Variants in NEB observed in about 807,000 individuals in gnomAD.
The protein encoded by NEB is nebulin.
Under a neutral mutation model 952.2 loss-of-function variants are expected in NEB, and 512 were observed. The ratio of observed to expected loss-of-function variants is 0.54; its 90% CI spans 0.50 to 0.58. NEB has a LOEUF of 0.58. Among genes scored for constraint, NEB ranks in the 20% least tolerant of loss-of-function variants. The pLI, the probability that NEB is intolerant of heterozygous loss-of-function variation, is 0.00. For missense variants in NEB, 8,428 were observed against 9,231.1 expected (o/e 0.91, Z 3.56); for synonymous variants, 2,900 against 3,149.8 (o/e 0.92, Z 2.66).
chr2:151,573,594 T>C (rs2096722352), intron 107 of NEB, among the ~76,000 whole-genome samples: 1 of 152,244 alleles, frequency 6.6e-6, no homozygotes, highest in Admixed American at 6.5e-5. Context: ...TGGCTCATTA[T>C]ACCAGAACTT....
rs369456343 is a variant in NEB, at chr2:151,650,833, C to G, written c.6968G>C (p.Arg2323Pro). The G allele has an allele frequency of 7.4e-6, 12 of 1,613,720 alleles. No homozygotes were observed. Among genetic ancestry groups the G allele is most frequent in the Non-Finnish European group, 1.0e-5 (12 of 1,179,694 alleles). ...AAGTTTTGGGTCATCTTGCAGACTC[C>G]GGAATCCAACATGGTGGCCAAGTTG... Reference protein sequence around the residue: ...RKQLGHHVGFRSLQDDPKLVL... With the variant: ...RKQLGHHVGFPSLQDDPKLVL... The change falls in exon 53 of 182, where the codon CGG becomes CCG. Residue 2323 changes from arginine (R) to proline (P), a missense_variant. Physicochemically the swap from Arg to Pro is moderately radical, Grantham distance 103. Transcript: ENST00000397345.
At chr2:151,562,057 C>A in intron 121 of NEB, 53 bp downstream of exon 121, 1 of 1,431,220 alleles carries the variant, frequency 7.0e-7, no homozygotes. Context: ...ACTGACACCA[C>A]CATGGATTCT....
chr2:151,518,752 T>TA (rs1192032309), intron 155 of NEB, among the ~76,000 whole-genome samples: 2 of 152,200 alleles, frequency 1.3e-5, no homozygotes, highest in African/African-American at 4.8e-5. Flanking sequence ...AAATATTTTT[T>TA]AAAAAGAAGC....
At chr2:151,635,507 G>A (rs971554379) in intron 64 of NEB, among the ~76,000 whole-genome samples, 2 of 152,056 alleles carry the variant, frequency 1.3e-5, no homozygotes, top group Non-Finnish European at 2.9e-5. Flanking sequence ...AAGAATTTGG[G>A]ACCAGCCTGG....
At chr2:151,723,762 T>G (rs1349939654) in intron 8 of NEB, among the ~76,000 whole-genome samples, 33 of 148,816 alleles carry the variant, frequency 2.2e-4, no homozygotes, top group Admixed American at 1.7e-3. Context: ...TTTTTTTTTT[T>G]TTTTTTTTTT....
In NEB at chr2:151,680,793, A is replaced by G. The variant is rs780408206; in HGVS notation, c.2979T>C (p.Phe993=). ...TAATTGGAGCATCTTCAATCGAGGT[A>G]AACTTGAGGGTGTCTGGATGTTGGC... ...KYRQHPDTLK[F]TSIEDAPITV... is the part of the protein sequence containing the mutation. The change falls in exon 30 of 182, where the codon TTT becomes TTC. Residue 993 remains phenylalanine (F), a synonymous_variant. Coordinates refer to ENST00000397345, the MANE Select transcript of NEB (RefSeq NM_001164508.2). The G allele has an allele frequency of 3.4e-5, 55 of 1,613,360 alleles. No homozygotes were observed. In the East Asian group the frequency reaches 1.1e-3, roughly 33 times the overall value.
intron 35 of NEB, 40 bp downstream of exon 35, chr2:151,675,247 T>A: frequency 7.3e-7 from 1 of 1,361,156 alleles, no homozygotes. Context: ...AATTTTATTG[T>A]CAGGTCCGAA....
At chr2:151,712,590 G>A (rs1247890027) in intron 10 of NEB, among the ~76,000 whole-genome samples, 1 of 152,142 alleles carries the variant, frequency 6.6e-6, no homozygotes, top group African/African-American at 2.4e-5. Context: ...CCCGAGCACT[G>A]CCAAGTCTGG....
chr2:151,512,884 AAC>A, intron 160 of NEB, 47 bp from the exon 161 acceptor site: 1 of 1,314,400 alleles, frequency 7.6e-7, no homozygotes, highest in Non-Finnish European at 1.1e-6. Flanking sequence ...CAATGTGCAC[AAC>A]AGTTGTTGGC....
chr2:151,723,339 C>G (rs1259711968), intron 9 of NEB, 43 bp downstream of exon 9: 2 of 1,440,378 alleles, frequency 1.4e-6, no homozygotes, highest in Admixed American at 3.9e-5. Context: ...TCAAGTTCCC[C>G]TGACTCTGCA....
rs746898612 is a variant in NEB, at chr2:151,547,784, G to A, written c.20158-46C>T. On this transcript the variant is annotated intron_variant, in intron 131 of 181. Transcript: ENST00000397345. ...TTACAGGCATTTAGTAGGGGACGAC[G>A]AGGGCATCTACTGACTAATCAAGAA... 29 of 1,314,902 alleles carry A rather than the reference G, an allele frequency of 2.2e-5. No individual in the cohort carries two copies. The Middle Eastern group carries it at 7.4e-4, about 33-fold the overall frequency. 81.5% of individuals were successfully genotyped at this position (1,314,902 alleles called of 1,614,324 possible).
chr2:151,535,242 T>C (rs1057172539), intron 142 of NEB, among the ~76,000 whole-genome samples: 2 of 152,234 alleles, frequency 1.3e-5, no homozygotes, highest in Non-Finnish European at 2.9e-5. Context: ...GAAGCATGAA[T>C]CACAACTATT....
In NEB at chr2:151,547,705, C is replaced by A; in HGVS notation, c.20191G>T (p.Asp6731Tyr). 6.2e-7 allele frequency: 1 copy of A among 1,613,552 alleles called. No homozygotes were observed. The stretch of plus-strand genomic sequence containing the variant: ...GTATCGGGAGTTGTATGGATCTTGT[C>A]TTTCAGTTTGTGGTACAATTCCCGA... ...LYRELYHKLK[D>Y]KIHTTPDTPE... The change falls in exon 132 of 182, where the codon GAC becomes TAC. Residue 6731 changes from aspartate (D) to tyrosine (Y), a missense_variant. Asp to Tyr is a radical substitution (Grantham distance 160). Around this residue, in one of 11 missense-constraint regions of NEB, gnomAD observed 3,374 missense variants for 3,651.5 expected, o/e 0.92. Coordinates refer to ENST00000397345, the MANE Select transcript of NEB (RefSeq NM_001164508.2).
intron 74 of NEB, 58 bp from the exon 75 acceptor site, chr2:151,617,526 G>T: frequency 8.7e-7 from 1 of 1,144,446 alleles, no homozygotes; most frequent in Non-Finnish European, 1.2e-6. Context: ...GGTGTTCACA[G>T]ATATTATTGT....
intron 41 of NEB, 102 bp from the exon 42 acceptor site, chr2:151,665,641 A>AG: frequency 2.0e-6 from 2 of 1,014,720 alleles, no homozygotes; most frequent in South Asian, 2.0e-5. Context: ...AGAAGCTGGG[A>AG]GGGGGAGAAT....
chr2:151,507,726 C>A, intron 162 of NEB: 1 of 357,936 alleles, frequency 2.8e-6, no homozygotes, highest in South Asian at 6.8e-5. Flanking sequence ...TCTTTTGTTA[C>A]AGGGGTTTTC....
At chr2:151,650,489 C>T (rs2099018904) in intron 53 of NEB, 85 bp downstream of exon 53, 5 of 1,486,596 alleles carry the variant, frequency 3.4e-6, no homozygotes, top group Non-Finnish European at 4.6e-6. Context: ...ATAATAATTC[C>T]TAATTTCTGC....
In NEB at chr2:151,610,609, C is replaced by T; in HGVS notation, c.11925G>A (p.Lys3975=). Residue 3975 remains lysine (K), a synonymous_variant, in exon 80 of 182, where the codon AAG becomes AAA. Coordinates refer to ENST00000397345, the MANE Select transcript of NEB (RefSeq NM_001164508.2). ...CCTTCATCTTTGATTCATCCCATCC[C>T]TTGGTGTAAAGTTTCTAGGGAAGGG... ...SANISQKLYT[K]GWDESKMKDY... is the part of the protein sequence containing the mutation. The T allele has an allele frequency of 1.2e-6, 2 of 1,613,090 alleles. No homozygotes were observed. Among genetic ancestry groups the T allele is most frequent in the Non-Finnish European group, 1.7e-6 (2 of 1,179,118 alleles).
At chr2:151,684,662 A>C in intron 28 of NEB, 116 bp downstream of exon 28, 1 of 971,752 alleles carries the variant, frequency 1.0e-6, no homozygotes, top group Non-Finnish European at 1.5e-6. Context: ...TCGTTTGCTT[A>C]CATACATAGG....
Sources: allele counts gnomAD v4.1 joint callset (sites outside exome capture counted in the v4.1 genomes callset), GRCh38; gene constraint gnomAD v4.1.1; regional missense constraint gnomAD v4.1.1; transcripts MANE v1.5; gene names NCBI Gene and HGNC (gene_info 2026-07-23, HGNC 2026-07-21).